The following THSD7A variants were observed in gnomAD, a reference collection of about 807,000 sequenced individuals.
The protein encoded by THSD7A is thrombospondin type 1 domain containing 7A.
A neutral mutation model predicts 231.3 loss-of-function variants in THSD7A; 96 were observed. The ratio of observed to expected loss-of-function variants is 0.41; its 90% CI spans 0.35 to 0.49. The LOEUF (loss-of-function observed/expected upper bound fraction) is 0.49, where lower values mean the gene tolerates loss of function less well. Among genes scored for constraint, THSD7A ranks in the 20% least tolerant of loss-of-function variants. THSD7A has a pLI of 0.05. For synonymous variants in THSD7A, 940 were observed against 743.3 expected (o/e 1.26, Z -4.30); for missense variants, 2,290 against 2,070.2 (o/e 1.11, Z -2.06).
At chr7:11,566,066 C>T (rs1466252629) in intron 4 of THSD7A, among the ~76,000 whole-genome samples, 1 of 152,134 alleles carries the variant, frequency 6.6e-6, no homozygotes, top group South Asian at 2.1e-4. Flanking sequence ...AGCAGTAAGG[C>T]TTCTGGGATT....
chr7:11,629,646 A>G (rs879572579), intron 2 of THSD7A, among the ~76,000 whole-genome samples: 4 of 152,188 alleles, frequency 2.6e-5, no homozygotes, highest in African/African-American at 4.8e-5. Flanking sequence ...CTCAGGAACC[A>G]TATAGCTCAT....
chr7:11,641,664 G>A (rs921811270), intron 1 of THSD7A, among the ~76,000 whole-genome samples: 1 of 150,986 alleles, frequency 6.6e-6, no homozygotes, highest in Non-Finnish European at 1.5e-5. Context: ...TATATAAAAA[G>A]ATCTACTGAG....
chr7:11,771,103 C>T (rs2128171616), intron 1 of THSD7A, among the ~76,000 whole-genome samples: 1 of 150,826 alleles, frequency 6.6e-6, no homozygotes, highest in South Asian at 2.1e-4. Context: ...TATATAGAAA[C>T]ATTGACTATT....
Position 11,590,542 on chromosome 7 carries a change from C to G in THSD7A, c.1371G>C (p.Gly457=), listed in dbSNP as rs1001942368. The G allele has an allele frequency of 1.2e-6, 2 of 1,613,766 alleles. No individual in the cohort carries two copies. The highest frequency in any genetic ancestry group is 1.3e-5 in the African/African-American group (1 of 74,902). ...RRGNQTALCG[G]GIQTREVYCV... ...AGTACACCTCTCGGGTCTGGATGCCCCCTCCACAGAGGGCCGTCTGGTTGC... is the reference window on the plus strand; with the variant it reads ...AGTACACCTCTCGGGTCTGGATGCCGCCTCCACAGAGGGCCGTCTGGTTGC... Residue 457 remains glycine (G), a synonymous_variant, in exon 4 of 28, where the codon GGG becomes GGC. Transcript: ENST00000423059. This position sits in a 1 kb window ranked among gnomAD's most constrained non-coding sequence, Gnocchi z 4.4.
chr7:11,575,713 G>A (rs768019115), intron 4 of THSD7A, among the ~76,000 whole-genome samples: 1 of 152,128 alleles, frequency 6.6e-6, no homozygotes, highest in Non-Finnish European at 1.5e-5. Flanking sequence ...CTATCCTTGG[G>A]TTATCCAGCT....
At chr7:11,647,426 C>T (rs1295764658) in intron 1 of THSD7A, among the ~76,000 whole-genome samples, 1 of 151,974 alleles carries the variant, frequency 6.6e-6, no homozygotes, top group Non-Finnish European at 1.5e-5. Flanking sequence ...TTGGCTCATC[C>T]TGGAAAACAT....
In THSD7A at chr7:11,370,709, CAAAA is replaced by C. The variant is rs1296773332; in HGVS notation, c.*5081_*5084del. 4.6e-5 allele frequency: 7 copies of C among 151,938 alleles called. No homozygotes were observed. Among genetic ancestry groups the C allele is most frequent in the African/African-American group, 1.7e-4 (7 of 41,386 alleles). The allele number at this position is 151,938 out of a possible 1,614,324, so 9.4% of individuals were successfully genotyped here. Reference sequence around the variant, plus strand: ...TTAGACAGCTGCCTCCTTATTTAAACAAAATAAATATTCAGGTAGTTAAATTAAC... The same window carrying C: ...TTAGACAGCTGCCTCCTTATTTAAACTAAATATTCAGGTAGTTAAATTAAC... On this transcript the variant is annotated 3_prime_UTR_variant, in exon 28 of 28. Transcript: ENST00000423059.
At chr7:11,468,051 A>T (rs1785779039) in intron 9 of THSD7A, among the ~76,000 whole-genome samples, 1 of 152,106 alleles carries the variant, frequency 6.6e-6, no homozygotes, top group Non-Finnish European at 1.5e-5. Context: ...AATTTACACA[A>T]TACAAGAAAA....
chr7:11,516,095 A>G (rs1424490788), intron 6 of THSD7A, among the ~76,000 whole-genome samples: 1 of 151,946 alleles, frequency 6.6e-6, no homozygotes, highest in African/African-American at 2.4e-5. Flanking sequence ...TCTAGGAGCT[A>G]TTATTTGTGT....
chr7:11,821,377 C>A lies in THSD7A; in HGVS notation c.190+10380G>T. 12 of 503,372 alleles carry A rather than the reference C, an allele frequency of 2.4e-5. 1 individual carries two copies. In the South Asian group the frequency reaches 2.5e-4, roughly 11 times the overall value. 31.2% of individuals were successfully genotyped at this position (503,372 alleles called of 1,614,324 possible). ...AATTTGATGACTTTTTATCTCTTCT[C>A]CCTTGCCCTGATTTTAAAAGCCCTT... On this transcript the variant is annotated intron_variant, in intron 1 of 27. Transcript: ENST00000423059.
At chr7:11,796,263 T>C (rs1413406884) in intron 1 of THSD7A, among the ~76,000 whole-genome samples, 2 of 151,304 alleles carry the variant, frequency 1.3e-5, no homozygotes, top group African/African-American at 4.8e-5. Flanking sequence ...TATATTTCTA[T>C]TCTTGTGACA....
At chr7:11,376,471 A>G (rs1186187708) in intron 27 of THSD7A, 99 bp downstream of exon 27, 6 of 890,498 alleles carry the variant, frequency 6.7e-6, no homozygotes, top group Admixed American at 2.6e-5. Flanking sequence ...ATTCATGTGA[A>G]CACCAGATAA....
At chr7:11,672,387 T>C (rs1399126696) in intron 1 of THSD7A, among the ~76,000 whole-genome samples, 1 of 152,166 alleles carries the variant, frequency 6.6e-6, no homozygotes, top group East Asian at 1.9e-4. Flanking sequence ...TCTAATTTGA[T>C]ATCTAGCCAT....
chr7:11,533,860 G>T (rs1283113140), intron 6 of THSD7A, among the ~76,000 whole-genome samples: 1 of 152,130 alleles, frequency 6.6e-6, no homozygotes, highest in Non-Finnish European at 1.5e-5. Flanking sequence ...CAAACCTACA[G>T]GTTCTGCACT....
intron 1 of THSD7A, among the ~76,000 whole-genome samples, chr7:11,686,952 T>C (rs1476457825): frequency 6.6e-6 from 1 of 151,886 alleles, no homozygotes; most frequent in African/African-American, 2.4e-5. Context: ...CCTGCACATG[T>C]ACCCTCTGAA....
chr7:11,762,728 C>T (rs1782904684), intron 1 of THSD7A, among the ~76,000 whole-genome samples: 1 of 152,094 alleles, frequency 6.6e-6, no homozygotes, highest in Non-Finnish European at 1.5e-5. Flanking sequence ...TGTGCAGAAA[C>T]TCTTTAATTT....
At chr7:11,538,959 G>A (rs1789029286) in intron 6 of THSD7A, among the ~76,000 whole-genome samples, 2 of 152,210 alleles carry the variant, frequency 1.3e-5, no homozygotes, top group Admixed American at 1.3e-4. Context: ...TGTGAAATCT[G>A]TGAGGAATGT....
chr7:11,382,873 TATGAAATAA>T (rs1286832498), intron 23 of THSD7A, among the ~76,000 whole-genome samples: 2 of 151,488 alleles, frequency 1.3e-5, no homozygotes, highest in Non-Finnish European at 2.9e-5. Context: ...TAAAAAATAT[TATGAAATAA>T]ATATGCAGCC....
chr7:11,711,124 G>A (rs1221157292), intron 1 of THSD7A, among the ~76,000 whole-genome samples: 5 of 150,796 alleles, frequency 3.3e-5, no homozygotes, highest in Non-Finnish European at 7.4e-5. Context: ...AAAAGTACTG[G>A]GAAAGTTGAA....
Sources: gnomAD v4.1 joint callset for allele counts (sites outside exome capture counted in the v4.1 genomes callset) on GRCh38, gnomAD v4.1.1 for gene constraint, Gnocchi (gnomAD v3.1) non-coding constraint, MANE v1.5 for transcripts, NCBI Gene and HGNC (gene_info 2026-07-23, HGNC 2026-07-21) for gene names.